ANXA13: variants seen among roughly 807,000 people sequenced by gnomAD.
ANXA13 encodes annexin XIII.
ANXA13 carries 36 observed loss-of-function variants against 46.6 expected under a neutral mutation model. The ratio of observed to expected loss-of-function variants is 0.77; its 90% confidence interval spans 0.59 to 1.02. ANXA13 has a LOEUF of 1.02. ANXA13 is among the 50% of genes least tolerant of loss of function. The pLI, the probability that ANXA13 is intolerant of heterozygous loss-of-function variation, is 0.00. For missense variants in ANXA13, 417 were observed against 396.5 expected (o/e 1.05, Z -0.44); for synonymous variants, 163 against 152.9 (o/e 1.07, Z -0.49).
chr8:123,695,838 C>T, intron 4 of ANXA13, 117 bp from the exon 5 acceptor site: 2 of 880,722 alleles, frequency 2.3e-6, no homozygotes, highest in East Asian at 2.4e-5. Context: ...AAGACTTCCT[C>T]TTAAGATGGT....
chr8:123,692,892 T>A (rs1248535038), intron 8 of ANXA13, among the ~76,000 whole-genome samples: 1 of 151,958 alleles, frequency 6.6e-6, no homozygotes, highest in African/African-American at 2.4e-5. Context: ...TGAAGCCGGT[T>A]TCCAGCCTGG....
chr8:123,682,904 C>T lies in ANXA13; in HGVS notation c.832-1545G>A, dbSNP rs527322789. Among the ~76,000 whole-genome samples, 7 of 152,304 alleles carry T rather than the reference C, an allele frequency of 4.6e-5. No homozygotes were observed. In the South Asian group the frequency reaches 6.2e-4, roughly 14 times the overall value. ...TGGGACAGAGCTTCTTGGAATAAAA[C>T]ACTCCGTGGGCCATGTCGGAGTGAT... On this transcript the variant is annotated intron_variant, in intron 10 of 10. Transcript: ENST00000419625.
intron 9 of ANXA13, among the ~76,000 whole-genome samples, chr8:123,686,373 C>T (rs1373521377): frequency 1.3e-5 from 2 of 151,492 alleles, no homozygotes; most frequent in African/African-American, 4.9e-5. Flanking sequence ...GGCATGAGAA[C>T]CACTTGAACC....
At chr8:123,717,627 A>G (rs1813780008) in intron 1 of ANXA13, among the ~76,000 whole-genome samples, 1 of 152,260 alleles carries the variant, frequency 6.6e-6, no homozygotes, top group Non-Finnish European at 1.5e-5. Flanking sequence ...AAGTTGAAGA[A>G]TGTGGCTTTA....
chr8:123,686,092 A>G (rs1358778404), intron 9 of ANXA13, among the ~76,000 whole-genome samples: 1 of 152,126 alleles, frequency 6.6e-6, no homozygotes, highest in Non-Finnish European at 1.5e-5. Flanking sequence ...TCTATAATCT[A>G]TGCTTGGGGA....
chr8:123,688,412 C>G (rs972496986), intron 9 of ANXA13, among the ~76,000 whole-genome samples: 2 of 152,108 alleles, frequency 1.3e-5, no homozygotes, highest in African/African-American at 4.8e-5. Context: ...TATAAATTAC[C>G]CCATCTTGGC....
intron 9 of ANXA13, among the ~76,000 whole-genome samples, chr8:123,686,686 C>A (rs756575448): frequency 2.6e-5 from 4 of 152,030 alleles, no homozygotes; most frequent in Admixed American, 2.6e-4. Flanking sequence ...GGCCCAGGAA[C>A]CTGCATTGTA....
chr8:123,685,757 T>TGGAAAAGAAAATCGCACC (rs1259681938), intron 9 of ANXA13, among the ~76,000 whole-genome samples: 1 of 152,084 alleles, frequency 6.6e-6, no homozygotes, highest in African/African-American at 2.4e-5. Context: ...ACAGTTTCAG[T>TGGAAAAGAAAATCGCACC]GGAAAAGAAA....
intron 1 of ANXA13, among the ~76,000 whole-genome samples, chr8:123,714,378 G>A (rs543446084): frequency 7.2e-5 from 11 of 152,274 alleles, no homozygotes; most frequent in Non-Finnish European, 1.0e-4. Flanking sequence ...AGAGATACAC[G>A]TCTGCCTCCT....
chr8:123,728,810 A>G (rs1814053155), intron 1 of ANXA13: 1 of 151,916 alleles, frequency 6.6e-6, no homozygotes, highest in Admixed American at 6.6e-5. Flanking sequence ...CAAAAAAATT[A>G]ATTCTTTTAG....
Position 123,681,274 on chromosome 8 carries a change from TC to T in ANXA13, c.916del (p.Asp306ThrfsTer6). ...SDMVRSDTSGDFRKLLVALLH is the reference protein window; with the variant it reads ...SDMVRSDTSGXFRKLLVALLH The stretch of plus-strand genomic sequence containing the variant: ...GAGGGCTACTAGCAGTTTCCGGAAG[TC>T]CCCGGAGGTATCTGAGCGAACCATG... On this transcript the variant is annotated frameshift_variant, in exon 11 of 11. Transcript: ENST00000419625. LOFTEE classifies it high-confidence loss of function. 4 of 1,613,974 alleles carry T rather than the reference TC, an allele frequency of 2.5e-6. No homozygotes were observed. The highest frequency in any genetic ancestry group is 2.5e-6 in the Non-Finnish European group (3 of 1,179,900).
chr8:123,720,330 G>C (rs1297945675), intron 1 of ANXA13, among the ~76,000 whole-genome samples: 1 of 152,152 alleles, frequency 6.6e-6, no homozygotes, highest in African/African-American at 2.4e-5. Flanking sequence ...TTAAGCAGGA[G>C]CAAAATGGAG....
rs560317557 is a variant in ANXA13 at position 123,693,568 on chromosome 8, T to C, written c.540+143A>G. The C allele has an allele frequency of 6.3e-5, 47 of 750,242 alleles. 1 individual carries two copies. In the African/African-American group the frequency reaches 7.8e-4, roughly 12 times the overall value. 46.5% of individuals were successfully genotyped at this position (750,242 alleles called of 1,614,324 possible). ...TTCATTTAGATTCATGGAGACTATA[T>C]ATATGATCTAGAAAGATCTAAGCAT... On this transcript the variant is annotated intron_variant, in intron 7 of 10. Transcript: ENST00000419625.
intron 10 of ANXA13, among the ~76,000 whole-genome samples, chr8:123,683,223 T>C (rs1813070696): frequency 6.6e-6 from 1 of 151,634 alleles, no homozygotes; most frequent in Admixed American, 6.6e-5. Flanking sequence ...GACATGGCCT[T>C]CAATAGAAAA....
In ANXA13 at chr8:123,681,133, C is replaced by T. The variant is rs756912797; in HGVS notation, c.*107G>A. On this transcript the variant is annotated 3_prime_UTR_variant, in exon 11 of 11. Coordinates refer to ENST00000419625, the MANE Select transcript of ANXA13 (RefSeq NM_004306.4). ...CACTTAAGCTGCCAAGAAAGTAATC[C>T]GGGACTCTTAAGGGTTTTCGTGCGG... 76 of 1,412,688 alleles carry T rather than the reference C, an allele frequency of 5.4e-5. No individual in the cohort carries two copies. The highest frequency in any genetic ancestry group is 2.9e-4 in the South Asian group (18 of 62,608). 87.5% of individuals were successfully genotyped at this position (1,412,688 alleles called of 1,614,324 possible).
intron 1 of ANXA13, among the ~76,000 whole-genome samples, chr8:123,722,346 G>GA (rs766052637): frequency 1.1e-4 from 4 of 36,128 alleles, no homozygotes; most frequent in Non-Finnish European, 3.5e-4. Flanking sequence ...GAAAAGAAAA[G>GA]AAAGAAAGAA....
chr8:123,708,442 ATGCCAGCCCAGCCTGCC>A (rs1563613134), intron 2 of ANXA13, among the ~76,000 whole-genome samples: 1 of 152,204 alleles, frequency 6.6e-6, no homozygotes, highest in Non-Finnish European at 1.5e-5. Context: ...TTGGGCTCCA[ATGCCAGCCCAGCCTGCC>A]TGGCTGGGCC....
At chr8:123,697,755 T>C (rs1358900309) in intron 4 of ANXA13, among the ~76,000 whole-genome samples, 2 of 152,234 alleles carry the variant, frequency 1.3e-5, no homozygotes, top group Non-Finnish European at 2.9e-5. Flanking sequence ...TTGTGGACCC[T>C]CTTGACTTGA....
chr8:123,733,000 C>T (rs748655162), intron 1 of ANXA13, among the ~76,000 whole-genome samples: 51 of 151,898 alleles, frequency 3.4e-4, no homozygotes, highest in African/African-American at 9.7e-4. Flanking sequence ...TAGGATGACC[C>T]GTCTTTAAAA....
Sources: allele counts gnomAD v4.1 joint callset (sites outside exome capture counted in the v4.1 genomes callset), GRCh38; gene constraint gnomAD v4.1.1; transcripts MANE v1.5; gene names NCBI Gene and HGNC (gene_info 2026-07-23, HGNC 2026-07-21).